The following CXADR variants were observed in gnomAD, a reference collection of about 807,000 sequenced individuals.
The protein encoded by CXADR is CXADR cell adhesion molecule.
A neutral mutation model predicts 40.3 loss-of-function variants in CXADR; 20 were observed. That is an observed-to-expected ratio of 0.50 (90% CI 0.35 to 0.72). The LOEUF (loss-of-function observed/expected upper bound fraction) is 0.72, where lower values mean the gene tolerates loss of function less well. Among genes scored for constraint, CXADR ranks in the 30% least tolerant of loss-of-function variants. The pLI is 0.01. For missense variants in CXADR, 332 were observed against 449.1 expected (o/e 0.74, Z 2.36); for synonymous variants, 150 against 161.3 (o/e 0.93, Z 0.53).
the CXADR span, among the ~76,000 whole-genome samples, chr21:17,605,698 C>T: frequency 1.8e-4 from 27 of 152,072 alleles, no homozygotes; most frequent in Admixed American, 2.6e-4. Flanking sequence ...ACCTATTATA[C>T]GACATCTACC....
chr21:17,582,885 C>T (rs1292859658), intron 7 of CXADR, among the ~76,000 whole-genome samples: 1 of 152,220 alleles, frequency 6.6e-6, no homozygotes, highest in African/African-American at 2.4e-5. Context: ...ATGTTGGCTG[C>T]TGGCACTGTG....
intron 1 of CXADR, among the ~76,000 whole-genome samples, chr21:17,534,404 T>C (rs2060727333): frequency 6.6e-6 from 1 of 152,096 alleles, no homozygotes. Flanking sequence ...CTTAGCAGTA[T>C]TTAAAGCCTT....
At position 17,519,343 on chromosome 21, in the gene CXADR, G is replaced by C. The variant is rs1390854603; in HGVS notation, c.43+6171G>C. ...AAGTTTTCAACTTCTTTGCCACTAG[G>C]CCTGTGTGTATGATAGAGCTCTCTT... is the stretch of plus-strand genomic sequence containing the variant. On this transcript the variant is annotated intron_variant, in intron 1 of 6. Coordinates refer to ENST00000284878, the MANE Select transcript of CXADR (RefSeq NM_001338.5). 3.9e-5 allele frequency among the ~76,000 whole-genome samples: 6 copies of C among 152,180 alleles called. No individual in the cohort carries two copies. In the East Asian group the frequency reaches 9.6e-4, roughly 24 times the overall value.
At chr21:17,582,062 G>T (rs935573714) in intron 7 of CXADR, among the ~76,000 whole-genome samples, 5 of 151,644 alleles carry the variant, frequency 3.3e-5, no homozygotes, top group African/African-American at 1.2e-4. Flanking sequence ...CCTTGTCTCA[G>T]CCTCCTGAGT....
At chr21:17,589,863 A>G (rs940989814) in intron 7 of CXADR, among the ~76,000 whole-genome samples, 1 of 152,060 alleles carries the variant, frequency 6.6e-6, no homozygotes, top group Non-Finnish European at 1.5e-5. Flanking sequence ...TTAAGCCTCT[A>G]GTAACACTGT....
intron 7 of CXADR, chr21:17,593,091 A>G: frequency 7.8e-7 from 1 of 1,278,574 alleles, no homozygotes; most frequent in Non-Finnish European, 1.0e-6. Context: ...AGTTTTTAAA[A>G]ATTTACCTTT....
chr21:17,522,056 TG>T (rs2060537332), intron 1 of CXADR, among the ~76,000 whole-genome samples: 1 of 152,162 alleles, frequency 6.6e-6, no homozygotes. Flanking sequence ...CTCTCTCTCT[TG>T]CCCACGCTGG....
rs997477317 is a variant in CXADR at position 17,566,063 on chromosome 21, A to G, written c.*371A>G. 36 of 991,862 alleles carry G rather than the reference A, an allele frequency of 3.6e-5. No individual in the cohort carries two copies. The highest frequency in any genetic ancestry group is 4.3e-5 in the Non-Finnish European group (36 of 834,184). The allele number at this position is 991,862 out of a possible 1,614,324, so 61.4% of individuals were successfully genotyped here. On this transcript the variant is annotated 3_prime_UTR_variant, in exon 7 of 7. Transcript: ENST00000284878. ...ACTTGAATAACCATCTGAAAGTGGT[A>G]CTTGATCATTTTTACCATTATTTTT...
the CXADR span, among the ~76,000 whole-genome samples, chr21:17,629,043 TG>T: frequency 2.6e-5 from 4 of 152,088 alleles, no homozygotes; most frequent in Non-Finnish European, 2.9e-5. Flanking sequence ...CCAGTCAAGT[TG>T]ACATATACAA....
At chr21:17,600,715 A>C in the CXADR span, among the ~76,000 whole-genome samples, 1 of 152,172 alleles carries the variant, frequency 6.6e-6, no homozygotes, top group Non-Finnish European at 1.5e-5. Flanking sequence ...ATGTATGTGG[A>C]AATCTAGCAG....
At chr21:17,539,022 T>G (rs943032499) in intron 1 of CXADR, among the ~76,000 whole-genome samples, 2 of 151,816 alleles carry the variant, frequency 1.3e-5, no homozygotes, top group East Asian at 3.8e-4. Context: ...TTTGAATGAG[T>G]GAACGTTGAT....
chr21:17,534,060 C>CTATA lies in CXADR; in HGVS notation c.44-12960_44-12957dup, dbSNP rs201049313. Among the ~76,000 whole-genome samples, 24 of 47,146 alleles carry CTATA rather than the reference C, an allele frequency of 5.1e-4. 1 individual carries two copies. The highest frequency in any genetic ancestry group is 3.8e-3 in the South Asian group (4 of 1,058). The allele number at this position is 47,146 out of a possible 152,430, so 30.9% of individuals were successfully genotyped here. Reference sequence around the variant, plus strand: ...TATATATATATACACATATATATAGCTATATATATACACACACACACATAT... The same window carrying CTATA: ...TATATATATATACACATATATATAGCTATATATATATATACACACACACACATAT... On this transcript the variant is annotated intron_variant, in intron 1 of 6. Coordinates refer to ENST00000284878, the MANE Select transcript of CXADR (RefSeq NM_001338.5).
intron 1 of CXADR, among the ~76,000 whole-genome samples, chr21:17,537,881 G>A (rs1041520088): frequency 4.6e-5 from 7 of 151,964 alleles, no homozygotes; most frequent in Non-Finnish European, 1.0e-4. Flanking sequence ...GAAAGTGCCC[G>A]TGATGAAAGC....
At chr21:17,526,251 A>ACATGC (rs1244231848) in intron 1 of CXADR, among the ~76,000 whole-genome samples, 4 of 152,240 alleles carry the variant, frequency 2.6e-5, no homozygotes, top group Admixed American at 2.0e-4. Flanking sequence ...CTCAAATGGA[A>ACATGC]CATGCCTTTG....
At chr21:17,590,501 A>G (rs2061427468) in intron 7 of CXADR, among the ~76,000 whole-genome samples, 1 of 152,056 alleles carries the variant, frequency 6.6e-6, no homozygotes, top group Admixed American at 6.6e-5. Context: ...AATAAAATGT[A>G]CATATTTTAA....
chr21:17,594,015 G>A (rs1569168442), downstream of CXADR: 1 of 1,501,788 alleles, frequency 6.7e-7, no homozygotes, highest in African/African-American at 1.4e-5. Context: ...CTATTAGTAA[G>A]AACTTTTAAC....
intron 6 of CXADR, 131 bp from the exon 7 acceptor site, chr21:17,565,297 A>G: frequency 1.8e-6 from 1 of 561,278 alleles, no homozygotes. Context: ...ACACACACAC[A>G]CACACACACA....
intron 1 of CXADR, among the ~76,000 whole-genome samples, chr21:17,544,077 A>G (rs1268066756): frequency 6.6e-6 from 1 of 152,192 alleles, no homozygotes; most frequent in Non-Finnish European, 1.5e-5. Flanking sequence ...TTATAGAGGA[A>G]AAAAAATTCC....
chr21:17,547,037 A>AAGTTT lies in CXADR; in HGVS notation c.55_59dup (p.Ser21ValfsTer2). 6.2e-7 allele frequency: 1 copy of AAGTTT among 1,612,592 alleles called. No homozygotes were observed. On this transcript the variant is annotated frameshift_variant, in exon 2 of 7. Coordinates refer to ENST00000284878, the MANE Select transcript of CXADR (RefSeq NM_001338.5). LOFTEE classifies it high-confidence loss of function. ...CATTTCTTTCTCTAGATTTCGCCAGAAGTTTGAGTATCACTACTCCTGAAG... is the reference window on the plus strand; with the variant it reads ...CATTTCTTTCTCTAGATTTCGCCAGAAGTTTAGTTTGAGTATCACTACTCCTGAAG...
Sources: gnomAD v4.1 joint callset for allele counts (sites outside exome capture counted in the v4.1 genomes callset) on GRCh38, gnomAD v4.1.1 for gene constraint, MANE v1.5 for transcripts, NCBI Gene and HGNC (gene_info 2026-07-23, HGNC 2026-07-21) for gene names.